ZFYVE26: variants seen among roughly 807,000 people sequenced by gnomAD.
ZFYVE26 encodes zinc finger FYVE domain-containing protein 26.
In ZFYVE26, 181 loss-of-function variants were observed where a neutral mutation model predicts 276.5. The ratio of observed to expected loss-of-function variants is 0.65; its 90% CI spans 0.58 to 0.74. The LOEUF (loss-of-function observed/expected upper bound fraction) is 0.74. ZFYVE26 is among the 30% of genes least tolerant of loss of function. The pLI, the probability that ZFYVE26 is intolerant of heterozygous loss-of-function variation, is 0.00. For synonymous variants in ZFYVE26, 1,129 were observed against 1,203.1 expected (o/e 0.94, Z 1.27); for missense variants, 2,821 against 3,097.9 (o/e 0.91, Z 2.12).
intron 21 of ZFYVE26, among the ~76,000 whole-genome samples, chr14:67,781,857 A>G (rs1212525397): frequency 6.6e-6 from 1 of 152,204 alleles, no homozygotes; most frequent in Non-Finnish European, 1.5e-5. Context: ...CATGCTGAAC[A>G]TATAGGACTG....
intron 23 of ZFYVE26, among the ~76,000 whole-genome samples, chr14:67,779,130 A>G (rs2039429073): frequency 6.6e-6 from 1 of 152,276 alleles, no homozygotes; most frequent in South Asian, 2.1e-4. Context: ...GCTTCTTAAA[A>G]GGTAGACAAA....
chr14:67,753,939 T>G, intron 38 of ZFYVE26, 132 bp downstream of exon 38: 8 of 1,533,220 alleles, frequency 5.2e-6, no homozygotes, highest in Non-Finnish European at 6.3e-6. Context: ...TCACCAGTCT[T>G]TGGTGGCTCA....
chr14:67,802,152 C>G lies in ZFYVE26; in HGVS notation c.1566G>C (p.Gln522His). The G allele has an allele frequency of 6.2e-7, 1 of 1,614,098 alleles. No homozygotes were observed. Among genetic ancestry groups the G allele is most frequent in the Non-Finnish European group, 8.5e-7 (1 of 1,180,048 alleles). The change falls in exon 10 of 42, where the codon CAG becomes CAC. Residue 522 changes from glutamine (Q) to histidine (H), a missense_variant. By Grantham distance (24) the Gln-to-His change is conservative. Transcript: ENST00000347230. The part of the protein sequence containing the change: ...CVNSHQHSQC[Q>H]DCKDSLSEDL... ...CCTCAGAGAGGCTGTCTTTGCAGTCCTGGCACTGGGAGTGCTGGTGTGAGT... is the reference window on the plus strand; with the variant it reads ...CCTCAGAGAGGCTGTCTTTGCAGTCGTGGCACTGGGAGTGCTGGTGTGAGT...
rs1304309891 is a variant in ZFYVE26 at position 67,798,004 on chromosome 14, C to T, written c.2248+10G>A. On this transcript the variant is annotated intron_variant, in intron 11 of 41. Coordinates refer to ENST00000347230, the MANE Select transcript of ZFYVE26 (RefSeq NM_015346.4). ...ACCTTCTGGTCCCACCAGTTCCACC[C>T]TTCTCTCACCTGAACGATGGTTGCT... 1.9e-6 allele frequency: 3 copies of T among 1,614,088 alleles called. No individual in the cohort carries two copies. The highest frequency in any genetic ancestry group is 1.7e-5 in the Admixed American group (1 of 60,020).
At chr14:67,775,194 G>C in intron 26 of ZFYVE26, 80 bp from the exon 27 acceptor site, 1 of 925,014 alleles carries the variant, frequency 1.1e-6, no homozygotes. Flanking sequence ...TTAGAACAAA[G>C]CTCTGTTGGC....
rs1170203850 is a variant in ZFYVE26, at chr14:67,783,219, G to A, written c.3933C>T (p.Arg1311=). The A allele has an allele frequency of 2.5e-6, 4 of 1,613,794 alleles. No individual in the cohort carries two copies. Among genetic ancestry groups the A allele is most frequent in the Non-Finnish European group, 3.4e-6 (4 of 1,179,728 alleles). The change falls in exon 21 of 42, where the codon CGC becomes CGT. Residue 1311 remains arginine (R), a synonymous_variant. Coordinates refer to ENST00000347230, the MANE Select transcript of ZFYVE26 (RefSeq NM_015346.4). ...AGGCCACCGTAGCTAGGAGCTTTGAGCGTGACTTAAGAAAGGCCAAGGCAG... is the reference window on the plus strand; with the variant it reads ...AGGCCACCGTAGCTAGGAGCTTTGAACGTGACTTAAGAAAGGCCAAGGCAG... The part of the protein sequence containing the change: ...TSSALAFLKS[R]SKLLATVACL...
chr14:67,748,470 G>T lies in ZFYVE26; in HGVS notation c.7586C>A (p.Pro2529His), dbSNP rs143198225. ...ICAQWLLTSHPRGAHGPGSRK is the reference protein window; with the variant it reads ...ICAQWLLTSHHRGAHGPGSRK The stretch of plus-strand genomic sequence containing the variant: ...GGAGCCTGGGCCATGGGCACCCCGG[G>T]GGTGGCTTGTCAGAAGCCACTGGGC... The change falls in exon 42 of 42, where the codon CCC (proline) becomes CAC (histidine). Residue 2529 changes from proline to histidine, a missense_variant. By Grantham distance (77) the Pro-to-His change is moderately conservative. Coordinates refer to ENST00000347230, the MANE Select transcript of ZFYVE26 (RefSeq NM_015346.4). 6.2e-7 allele frequency: 1 copy of T among 1,612,892 alleles called. No homozygotes were observed. The highest frequency in any genetic ancestry group is 8.5e-7 in the Non-Finnish European group (1 of 1,179,884).
chr14:67,776,367 G>T (rs527266611), intron 25 of ZFYVE26, among the ~76,000 whole-genome samples: 3 of 152,178 alleles, frequency 2.0e-5, no homozygotes, highest in Non-Finnish European at 4.4e-5. Flanking sequence ...ACTATTTCAG[G>T]CTTCATGGTC....
intron 23 of ZFYVE26, among the ~76,000 whole-genome samples, chr14:67,778,666 A>T: frequency 6.6e-6 from 1 of 152,232 alleles, no homozygotes; most frequent in East Asian, 1.9e-4. Context: ...GACCAATACT[A>T]CAAAGGCCAA....
intron 28 of ZFYVE26, chr14:67,770,122 C>A: frequency 3.3e-6 from 1 of 298,782 alleles, no homozygotes; most frequent in Non-Finnish European, 6.5e-6. Context: ...TTTGTTTTCC[C>A]CAAGGTTATT....
Position 67,807,286 on chromosome 14 carries a change from C to T in ZFYVE26, c.886+112G>A, listed in dbSNP as rs141035351. On this transcript the variant is annotated intron_variant, in intron 5 of 41. Transcript: ENST00000347230. The stretch of plus-strand genomic sequence containing the variant: ...AGCATCGCACCCATTTTTGCTTAGC[C>T]TCCCCTATTAGATGTCCTGAGCCAC... The T allele has an allele frequency of 2.2e-4, 312 of 1,448,426 alleles. 2 individuals carry two copies. The East Asian group carries it at 6.5e-3, about 30-fold the overall frequency. 89.7% of individuals were successfully genotyped at this position (1,448,426 alleles called of 1,614,324 possible).
At chr14:67,816,240 A>T (rs1399594193) in intron 1 of ZFYVE26, among the ~76,000 whole-genome samples, 194 bp from the exon 2 acceptor site, 1 of 152,144 alleles carries the variant, frequency 6.6e-6, no homozygotes, top group Non-Finnish European at 1.5e-5. Flanking sequence ...TCCTATATTT[A>T]ATAATATTAA....
intron 27 of ZFYVE26, among the ~76,000 whole-genome samples, chr14:67,773,613 T>C (rs922475360): frequency 6.6e-6 from 1 of 150,386 alleles, no homozygotes; most frequent in Admixed American, 6.6e-5. Context: ...CAGGCTGCCA[T>C]TTATACAGAT....
At chr14:67,752,650 G>T in intron 39 of ZFYVE26, 124 bp from the exon 40 acceptor site, 1 of 1,075,080 alleles carries the variant, frequency 9.3e-7, no homozygotes, top group Non-Finnish European at 1.4e-6. Flanking sequence ...GGTCACAGTA[G>T]AAAACATAAA....
chr14:67,790,765 G>A lies in ZFYVE26; in HGVS notation c.2562C>T (p.Phe854=), dbSNP rs2140234236. The A allele has an allele frequency of 6.2e-7, 1 of 1,614,042 alleles. No homozygotes were observed. The highest frequency in any genetic ancestry group is 8.5e-7 in the Non-Finnish European group (1 of 1,179,974). ...TGGGTGAGGACTTCAGGTTGAACGT[G>A]AACAGCACCTGTCATAGGAGAGGGA... The part of the protein sequence containing the change: ...GNFAEAHQVL[F]TFNLKSSPSS... The change falls in exon 15 of 42, where the codon TTC becomes TTT. Residue 854 remains phenylalanine (F), a synonymous_variant. Coordinates refer to ENST00000347230, the MANE Select transcript of ZFYVE26 (RefSeq NM_015346.4).
rs527537823 is a variant in ZFYVE26 at position 67,806,748 on chromosome 14, C to A, written c.887-73G>T. On this transcript the variant is annotated intron_variant, in intron 5 of 41. Transcript: ENST00000347230. ...TCTAAGCTAGAGCCCATTTGAACAA[C>A]CAAGTGATGTGAGAGTTTGCTCTTT... 53 of 1,580,986 alleles carry A rather than the reference C, an allele frequency of 3.4e-5. No individual in the cohort carries two copies. In the South Asian group the frequency reaches 5.4e-4, roughly 16 times the overall value.
At chr14:67,749,225 G>A (rs1007573469) in intron 41 of ZFYVE26, among the ~76,000 whole-genome samples, 1 of 152,092 alleles carries the variant, frequency 6.6e-6, no homozygotes, top group African/African-American at 2.4e-5. Flanking sequence ...CTATTTTTCT[G>A]TTTTCGGCCA....
intron 25 of ZFYVE26, 71 bp from the exon 26 acceptor site, chr14:67,776,177 C>T: frequency 6.2e-7 from 1 of 1,606,872 alleles, no homozygotes; most frequent in Non-Finnish European, 8.5e-7. Context: ...AAGATTCTCA[C>T]TGGGAAGGGG....
At chr14:67,805,053 T>C (rs577296767) in intron 8 of ZFYVE26, among the ~76,000 whole-genome samples, 164 bp downstream of exon 8, 12 of 152,392 alleles carry the variant, frequency 7.9e-5, no homozygotes, top group Middle Eastern at 6.8e-3. Flanking sequence ...TAATAATTAC[T>C]TGTGTTTCTT....
Sources: gnomAD v4.1 joint callset for allele counts (sites outside exome capture counted in the v4.1 genomes callset) on GRCh38, gnomAD v4.1.1 for gene constraint, MANE v1.5 for transcripts, NCBI Gene and HGNC (gene_info 2026-07-23, HGNC 2026-07-21) for gene names.